The following CSMD3 variants were observed in gnomAD, a reference collection of about 807,000 sequenced individuals.
CSMD3 encodes CUB and sushi domain-containing protein 3.
A neutral mutation model predicts 435.2 loss-of-function variants in CSMD3; 177 were observed. The ratio of observed to expected loss-of-function variants is 0.41; its 90% confidence interval spans 0.36 to 0.46. The LOEUF (loss-of-function observed/expected upper bound fraction) is 0.46, where lower values mean the gene tolerates loss of function less well. CSMD3 is among the 20% of genes least tolerant of loss of function. The pLI, the probability that CSMD3 is intolerant of heterozygous loss-of-function variation, is 0.34. For missense variants in CSMD3, 4,265 were observed against 4,504.6 expected, an observed-to-expected ratio of 0.95 and a Z score of 1.52; for synonymous variants, 1,656 against 1,520.5, an observed-to-expected ratio of 1.09 and a Z score of -2.07.
chr8:112,833,487 A>G (rs2079935387), intron 11 of CSMD3, among the ~76,000 whole-genome samples: 1 of 152,074 alleles, frequency 6.6e-6, no homozygotes. Context: ...TTATTTAAAA[A>G]CATTTGTAAA....
At chr8:113,353,904 T>C (rs2094205494) in intron 1 of CSMD3, among the ~76,000 whole-genome samples, 2 of 152,188 alleles carry the variant, frequency 1.3e-5, no homozygotes, top group African/African-American at 2.4e-5. Flanking sequence ...CTTTTCTGCT[T>C]GTCTCAGTGA....
chr8:112,465,570 T>A (rs946089286), intron 32 of CSMD3, among the ~76,000 whole-genome samples: 1 of 152,146 alleles, frequency 6.6e-6, no homozygotes, highest in African/African-American at 2.4e-5. Context: ...CACATGATAA[T>A]CATATTTCCC....
At chr8:112,701,130 T>C (rs953362741) in intron 13 of CSMD3, among the ~76,000 whole-genome samples, 1 of 152,188 alleles carries the variant, frequency 6.6e-6, no homozygotes, top group Non-Finnish European at 1.5e-5. Flanking sequence ...TCTATAATCT[T>C]TGCTTCAACT....
At chr8:113,204,056 T>A (rs533851310) in intron 3 of CSMD3, among the ~76,000 whole-genome samples, 3 of 152,274 alleles carry the variant, frequency 2.0e-5, no homozygotes, top group Admixed American at 2.0e-4. Flanking sequence ...TTGCATAATT[T>A]TCTGTCGTAA....
chr8:112,651,012 G>C (rs1171176260), intron 18 of CSMD3, among the ~76,000 whole-genome samples: 1 of 152,118 alleles, frequency 6.6e-6, no homozygotes, highest in East Asian at 1.9e-4. Flanking sequence ...CTGTGCATTG[G>C]AGTACTTTTA....
chr8:112,654,378 T>G (rs2131649678), intron 18 of CSMD3, among the ~76,000 whole-genome samples: 1 of 152,304 alleles, frequency 6.6e-6, no homozygotes, highest in Admixed American at 6.5e-5. Context: ...ACCACAAGAC[T>G]AATAGAATAA....
chr8:112,986,815 G>A (rs1040937773), intron 6 of CSMD3, among the ~76,000 whole-genome samples: 4 of 151,896 alleles, frequency 2.6e-5, no homozygotes, highest in East Asian at 1.9e-4. Flanking sequence ...TCACAATATC[G>A]AGTAATACTT....
At chr8:113,175,334 A>G (rs1271982821) in intron 3 of CSMD3, among the ~76,000 whole-genome samples, 1 of 151,854 alleles carries the variant, frequency 6.6e-6, no homozygotes, top group Non-Finnish European at 1.5e-5. Context: ...GAGAAAAAAT[A>G]TTTACTTTGA....
At chr8:113,048,427 A>G (rs1395507296) in intron 5 of CSMD3, among the ~76,000 whole-genome samples, 1 of 152,172 alleles carries the variant, frequency 6.6e-6, no homozygotes, top group Non-Finnish European at 1.5e-5. Context: ...ATCAGTGGCA[A>G]TAAAGTGAAT....
chr8:112,950,981 A>G (rs2083786528), intron 8 of CSMD3, among the ~76,000 whole-genome samples: 1 of 151,896 alleles, frequency 6.6e-6, no homozygotes, highest in Non-Finnish European at 1.5e-5. Flanking sequence ...TGTCATTTAA[A>G]CCACCATTTC....
chr8:113,067,288 C>T (rs2088901019), intron 5 of CSMD3, among the ~76,000 whole-genome samples: 2 of 152,142 alleles, frequency 1.3e-5, no homozygotes, highest in East Asian at 1.9e-4. Flanking sequence ...GTGCAAGAAT[C>T]GAAGTTAGTG....
chr8:113,397,864 A>ATAAT (rs2094491204), intron 1 of CSMD3, among the ~76,000 whole-genome samples: 1 of 140,414 alleles, frequency 7.1e-6, no homozygotes, highest in African/African-American at 2.7e-5. Context: ...AAATAAATAA[A>ATAAT]TAAAGAACAC....
intron 32 of CSMD3, among the ~76,000 whole-genome samples, chr8:112,442,880 T>C (rs894181527): frequency 9.2e-5 from 14 of 152,208 alleles, no homozygotes; most frequent in African/African-American, 3.4e-4. Context: ...GCCAACAGCC[T>C]GGCCTAAGGG....
intron 1 of CSMD3, among the ~76,000 whole-genome samples, chr8:113,328,166 C>T (rs1366526458): frequency 1.3e-5 from 2 of 151,940 alleles, no homozygotes; most frequent in Non-Finnish European, 2.9e-5. Flanking sequence ...GGGCCGGGCG[C>T]GGTGGCTCAC....
chr8:112,896,614 C>T (rs1334325364), intron 10 of CSMD3, among the ~76,000 whole-genome samples: 1 of 151,318 alleles, frequency 6.6e-6, no homozygotes, highest in African/African-American at 2.4e-5. Context: ...TAGTTTTCTC[C>T]ATTTCCACCA....
intron 24 of CSMD3, among the ~76,000 whole-genome samples, chr8:112,562,112 T>C (rs2131253457): frequency 6.6e-6 from 1 of 151,814 alleles, no homozygotes; most frequent in Admixed American, 6.6e-5. Flanking sequence ...TCCTCAAGAT[T>C]CAACCAAAAT....
intron 32 of CSMD3, among the ~76,000 whole-genome samples, chr8:112,425,622 A>G (rs909228448): frequency 1.3e-5 from 2 of 152,216 alleles, no homozygotes; most frequent in Admixed American, 6.5e-5. Context: ...TTGAATTAAT[A>G]GCTACTCACT....
chr8:113,159,008 CA>C (rs1350748613), intron 4 of CSMD3, among the ~76,000 whole-genome samples: 1 of 151,756 alleles, frequency 6.6e-6, no homozygotes, highest in African/African-American at 2.4e-5. Flanking sequence ...GTGTACTAGT[CA>C]ATATTGATGG....
At chr8:112,269,533 C>T (rs1817265947) in intron 59 of CSMD3, among the ~76,000 whole-genome samples, 1 of 152,072 alleles carries the variant, frequency 6.6e-6, no homozygotes, top group South Asian at 2.1e-4. Flanking sequence ...CTTGGCAAGC[C>T]CTGTCTCAGC....
Sources: allele counts gnomAD v4.1 joint callset (sites outside exome capture counted in the v4.1 genomes callset), GRCh38; gene constraint gnomAD v4.1.1; transcripts MANE v1.5; gene names NCBI Gene and HGNC (gene_info 2026-07-23, HGNC 2026-07-21).